CDC14B: variants seen among roughly 807,000 people sequenced by gnomAD.
The protein encoded by CDC14B is cell division cycle 14B.
Under a neutral mutation model 64.2 loss-of-function variants are expected in CDC14B, and 22 were observed. The observed-to-expected ratio is 0.34, with a 90% confidence interval of 0.24 to 0.49. The LOEUF (loss-of-function observed/expected upper bound fraction) is 0.49. Ranked by LOEUF, CDC14B falls within the 20% of genes least tolerant of loss-of-function variation. CDC14B has a pLI of 0.99. For synonymous variants in CDC14B, 191 were observed against 215.8 expected, an observed-to-expected ratio of 0.89 and a Z score of 1.01; for missense variants, 498 against 629.9, an observed-to-expected ratio of 0.79 and a Z score of 2.24.
chr9:96,598,742 T>G (rs918490432), intron 1 of CDC14B, among the ~76,000 whole-genome samples: 1 of 152,232 alleles, frequency 6.6e-6, no homozygotes, highest in Non-Finnish European at 1.5e-5. Flanking sequence ...AACTCAGCAG[T>G]GCACTTTTGG....
At chr9:96,556,805 A>G (rs1430841135) in intron 4 of CDC14B, among the ~76,000 whole-genome samples, 1 of 151,942 alleles carries the variant, frequency 6.6e-6, no homozygotes, top group Non-Finnish European at 1.5e-5. Context: ...ACCACAGAGG[A>G]AAAAAAACCC....
intron 1 of CDC14B, among the ~76,000 whole-genome samples, chr9:96,597,178 T>C (rs1361361044): frequency 2.0e-5 from 3 of 152,132 alleles, no homozygotes; most frequent in Admixed American, 1.3e-4. Context: ...TCAGATTTAT[T>C]GTTGCTACCA....
chr9:96,606,527 TTGTGTGTGTGTGTGTGTGTG>T (rs376059971), intron 1 of CDC14B, among the ~76,000 whole-genome samples: 38 of 112,854 alleles, frequency 3.4e-4, no homozygotes, highest in Non-Finnish European at 4.3e-4. Flanking sequence ...TACTAAAAGT[TTGTGTGTGTGTGTGTGTGTG>T]TGTGTGTGTG....
At position 96,563,703 on chromosome 9, in the gene CDC14B, T is replaced by G. The variant is rs934399409; in HGVS notation, c.328-918A>C. Among the ~76,000 whole-genome samples the G allele has an allele frequency of 3.3e-5, 5 of 151,416 alleles. No homozygotes were observed. The East Asian group carries it at 7.7e-4, about 23-fold the overall frequency. On this transcript the variant is annotated intron_variant, in intron 3 of 13. Transcript: ENST00000375241. The stretch of plus-strand genomic sequence containing the variant: ...AAGAAGAAAAAAAGGACTGATACAT[T>G]TTTGGTTGACCCAAAGACTAAAAGT...
At chr9:96,495,298 G>A (rs1833198668), downstream of CDC14B, among the ~76,000 whole-genome samples, 1 of 147,244 alleles carries the variant, frequency 6.8e-6, no homozygotes, top group African/African-American at 2.7e-5. Context: ...CAGACACTGA[G>A]GCAGGGTAAG....
intron 1 of CDC14B, among the ~76,000 whole-genome samples, chr9:96,566,326 C>T (rs1365112966): frequency 6.6e-6 from 1 of 151,720 alleles, no homozygotes; most frequent in Non-Finnish European, 1.5e-5. Flanking sequence ...TTCAGCAGAG[C>T]CAGCTGGCAC....
chr9:96,561,460 C>T (rs964769716), intron 4 of CDC14B, among the ~76,000 whole-genome samples: 2 of 151,942 alleles, frequency 1.3e-5, no homozygotes, highest in African/African-American at 4.8e-5. Flanking sequence ...AAGAAAGAAC[C>T]TAAAGAGCTC....
intron 9 of CDC14B, among the ~76,000 whole-genome samples, chr9:96,528,424 A>C (rs776758160): frequency 6.6e-6 from 1 of 152,158 alleles, no homozygotes; most frequent in South Asian, 2.1e-4. Flanking sequence ...CTGGAGGCTG[A>C]GGCAGGAGAA....
intron 1 of CDC14B, among the ~76,000 whole-genome samples, chr9:96,602,252 C>A (rs1368433760): frequency 6.6e-6 from 1 of 152,046 alleles, no homozygotes; most frequent in East Asian, 1.9e-4. Context: ...GCACAGGGAC[C>A]AGCAATACTG....
chr9:96,563,655 GAAA>G (rs35893039), intron 3 of CDC14B, among the ~76,000 whole-genome samples: 2 of 81,612 alleles, frequency 2.5e-5, no homozygotes, highest in Non-Finnish European at 2.4e-5. Context: ...TGTCTCACGG[GAAA>G]AAAAAAAAAA....
At chr9:96,580,616 T>C (rs1443029735) in intron 1 of CDC14B, among the ~76,000 whole-genome samples, 1 of 152,156 alleles carries the variant, frequency 6.6e-6, no homozygotes, top group African/African-American at 2.4e-5. Context: ...GTTATGCATG[T>C]AACCGGTAAC....
Position 96,566,809 on chromosome 9 carries a change from C to A in CDC14B, c.161-1326G>T, listed in dbSNP as rs766521046. On this transcript the variant is annotated intron_variant, in intron 1 of 13. Coordinates refer to ENST00000375241, the MANE Select transcript of CDC14B (RefSeq NM_033331.4). ...TACCAAAGCTGCCCCCGCGCCCTCC[C>A]GGCTCATGACTCCAAAGCATCTGGA... is the stretch of plus-strand genomic sequence containing the variant. 64 of 1,606,080 alleles carry A rather than the reference C, an allele frequency of 4.0e-5. No individual in the cohort carries two copies. In the East Asian group the frequency reaches 1.4e-3, roughly 35 times the overall value.
rs1168632084 is a variant in CDC14B at position 96,534,175 on chromosome 9, C to T, written c.716-18G>A. On this transcript the variant is annotated intron_variant, in intron 8 of 13. Coordinates refer to ENST00000375241, the MANE Select transcript of CDC14B (RefSeq NM_033331.4). ...GTGGTAACCTACATAAAGAAATGCACCAGATCTTATAAAACACATAAAGAA... is the reference window on the plus strand; with the variant it reads ...GTGGTAACCTACATAAAGAAATGCATCAGATCTTATAAAACACATAAAGAA... The T allele has an allele frequency of 2.1e-6, 3 of 1,450,038 alleles. No homozygotes were observed. Among genetic ancestry groups the T allele is most frequent in the South Asian group, 2.4e-5 (2 of 82,216 alleles). 89.8% of individuals were successfully genotyped at this position (1,450,038 alleles called of 1,614,324 possible).
intron 6 of CDC14B, 118 bp downstream of exon 6, chr9:96,541,708 C>T (rs959322691): frequency 3.6e-6 from 2 of 563,326 alleles, no homozygotes; most frequent in Non-Finnish European, 6.0e-6. Context: ...GCACCTCTGT[C>T]ACCATAGGCA....
chr9:96,558,692 T>G (rs1450021877), intron 4 of CDC14B, among the ~76,000 whole-genome samples: 2 of 152,224 alleles, frequency 1.3e-5, no homozygotes, highest in African/African-American at 4.8e-5. Flanking sequence ...CACTTAAAAT[T>G]TTCCACTTAA....
downstream of CDC14B, chr9:96,496,185 T>A (rs1833229838): frequency 2.3e-6 from 1 of 426,866 alleles, no homozygotes; most frequent in Non-Finnish European, 4.7e-6. Context: ...CAATACCCAG[T>A]GGAAGAATGA....
chr9:96,574,024 G>A (rs758170535), intron 1 of CDC14B, among the ~76,000 whole-genome samples: 11 of 152,012 alleles, frequency 7.2e-5, no homozygotes, highest in South Asian at 2.1e-4. Flanking sequence ...GCGGGCACCC[G>A]TAGCCCCAGC....
intron 1 of CDC14B, among the ~76,000 whole-genome samples, chr9:96,600,651 C>A (rs767500983): frequency 6.6e-6 from 1 of 151,848 alleles, no homozygotes; most frequent in South Asian, 2.1e-4. Context: ...AACAGGTGTG[C>A]GCCACCAAGC....
intron 1 of CDC14B, among the ~76,000 whole-genome samples, chr9:96,603,155 G>GACGGAC (rs1846617946): frequency 7.2e-6 from 1 of 138,052 alleles, no homozygotes; most frequent in East Asian, 2.1e-4. Flanking sequence ...GATAGAAACG[G>GACGGAC]ACACACACAC....
Sources: allele counts gnomAD v4.1 joint callset (sites outside exome capture counted in the v4.1 genomes callset), GRCh38; gene constraint gnomAD v4.1.1; transcripts MANE v1.5; gene names NCBI Gene and HGNC (gene_info 2026-07-23, HGNC 2026-07-21).